Variants in CPSF4 observed in about 807,000 individuals in gnomAD.
CPSF4 encodes the protein cleavage and polyadenylation specific factor 4.
CPSF4 carries 11 observed loss-of-function variants against 37.7 expected under a neutral mutation model. The observed-to-expected ratio is 0.29, with a 90% CI of 0.18 to 0.48. The LOEUF (loss-of-function observed/expected upper bound fraction) is 0.48. Among genes scored for constraint, CPSF4 ranks in the 20% least tolerant of loss-of-function variants. CPSF4 has a pLI of 0.99. For missense variants in CPSF4, 144 were observed against 359.5 expected (o/e 0.40, Z 4.85); for synonymous variants, 132 against 135.9 (o/e 0.97, Z 0.20).
chr7:99,443,737 G>T (rs1179873181), intron 1 of CPSF4, among the ~76,000 whole-genome samples: 1 of 152,050 alleles, frequency 6.6e-6, no homozygotes, highest in African/African-American at 2.4e-5. Context: ...TGGCCAACAT[G>T]GCAAAACCCT....
chr7:99,446,771 CTTTTTTTTT>C (rs762892785), intron 2 of CPSF4, among the ~76,000 whole-genome samples: 2 of 29,134 alleles, frequency 6.9e-5, no homozygotes, highest in African/African-American at 2.3e-4. Flanking sequence ...CCATACCCAG[CTTTTTTTTT>C]TTTTTTTTTT....
chr7:99,450,486 G>C, intron 4 of CPSF4, 115 bp downstream of exon 4: 1 of 793,828 alleles, frequency 1.3e-6, no homozygotes, highest in South Asian at 1.6e-5. Context: ...ACATTCTGCA[G>C]CTAGCGGCTT....
intron 2 of CPSF4, chr7:99,447,901 C>T (rs758579084): frequency 6.7e-6 from 4 of 592,644 alleles, no homozygotes; most frequent in Non-Finnish European, 1.3e-5. Context: ...TGATCCACTG[C>T]GCCCGGCCAT....
intron 1 of CPSF4, among the ~76,000 whole-genome samples, chr7:99,440,632 T>C (rs2404488): frequency 0.085 from 11,651 of 137,368 alleles, 1,106 homozygotes; most frequent in African/African-American, 0.23. Flanking sequence ...ACTGGGATTA[T>C]AGGCATGAGC....
Position 99,456,819 on chromosome 7 carries a change from G to C in CPSF4, c.*319G>C. 4.4e-6 allele frequency: 2 copies of C among 450,072 alleles called. No individual in the cohort carries two copies. Among genetic ancestry groups the C allele is most frequent in the Non-Finnish European group, 4.2e-6 (1 of 240,442 alleles). The allele number at this position is 450,072 out of a possible 1,614,324, so 27.9% of individuals were successfully genotyped here. ...TGCTGGGGAGGGGCTTGGCTAGGTA[G>C]TTCTGTGTGGCGGTGGTCATTCCCC... On this transcript the variant is annotated 3_prime_UTR_variant, in exon 8 of 8. Coordinates refer to ENST00000292476, the MANE Select transcript of CPSF4 (RefSeq NM_006693.4).
At chr7:99,439,882 A>G (rs1371157417) in intron 1 of CPSF4, among the ~76,000 whole-genome samples, 1 of 151,848 alleles carries the variant, frequency 6.6e-6, no homozygotes, top group Non-Finnish European at 1.5e-5. Flanking sequence ...GCCCGTCCCT[A>G]CTTTTTTCTG....
intron 3 of CPSF4, 29 bp from the exon 4 acceptor site, chr7:99,450,247 A>G (rs747996799): frequency 3.2e-6 from 5 of 1,573,776 alleles, no homozygotes; most frequent in Middle Eastern, 1.7e-4. Context: ...CGGCCTTCCC[A>G]GTGGTCTCAC....
intron 1 of CPSF4, among the ~76,000 whole-genome samples, chr7:99,439,960 C>T (rs115790206): frequency 1.3e-5 from 2 of 152,304 alleles, no homozygotes; most frequent in African/African-American, 4.8e-5. Flanking sequence ...ACTCCCTTCA[C>T]TGCTCCCCTT....
At chr7:99,446,797 TTTTTTTTTTTTA>T in intron 2 of CPSF4, among the ~76,000 whole-genome samples, 1 of 128,610 alleles carries the variant, frequency 7.8e-6, no homozygotes, top group African/African-American at 3.2e-5. Context: ...TTTTTTTTTT[TTTTTTTTTTTTA>T]ACGGAGTTTT....
At chr7:99,440,875 C>T (rs564876774) in intron 1 of CPSF4, among the ~76,000 whole-genome samples, 35 of 149,518 alleles carry the variant, frequency 2.3e-4, no homozygotes, top group African/African-American at 8.7e-4. Flanking sequence ...TGCTCAAATT[C>T]ACACACACAC....
chr7:99,439,329 A>G, intron 1 of CPSF4, 144 bp downstream of exon 1: 1 of 572,668 alleles, frequency 1.7e-6, no homozygotes, highest in Non-Finnish European at 3.0e-6. Flanking sequence ...TGGTCGCAGG[A>G]CTCCTCCCTC....
chr7:99,440,909 C>A (rs915956542), intron 1 of CPSF4, among the ~76,000 whole-genome samples: 2 of 149,596 alleles, frequency 1.3e-5, no homozygotes, highest in Non-Finnish European at 3.0e-5. Context: ...TACCCCTCGA[C>A]TCTTGTGATC....
At chr7:99,444,738 A>G (rs1239884328) in intron 1 of CPSF4, 51 bp from the exon 2 acceptor site, 1 of 1,552,790 alleles carries the variant, frequency 6.4e-7, no homozygotes, top group Non-Finnish European at 8.9e-7. Context: ...AGACATTGTC[A>G]ATAGCAAATT....
intron 7 of CPSF4, among the ~76,000 whole-genome samples, chr7:99,455,041 T>G (rs1798209677): frequency 6.6e-6 from 1 of 151,906 alleles, no homozygotes; most frequent in African/African-American, 2.4e-5. Flanking sequence ...GGCAACAGAC[T>G]GAGACTCTTT....
At chr7:99,442,546 C>T (rs373700950) in intron 1 of CPSF4, among the ~76,000 whole-genome samples, 2 of 149,402 alleles carry the variant, frequency 1.3e-5, no homozygotes, top group South Asian at 2.1e-4. Flanking sequence ...GTCCCAGCTA[C>T]TCGGGAGGCT....
intron 7 of CPSF4, among the ~76,000 whole-genome samples, chr7:99,455,321 G>T (rs1798233471): frequency 1.3e-5 from 2 of 152,144 alleles, no homozygotes; most frequent in Non-Finnish European, 2.9e-5. Context: ...AGGGTGTGTG[G>T]TCCCTCCCCC....
At chr7:99,450,192 A>G in intron 3 of CPSF4, 84 bp from the exon 4 acceptor site, 2 of 1,049,390 alleles carry the variant, frequency 1.9e-6, no homozygotes, top group Non-Finnish European at 2.9e-6. Flanking sequence ...AAAACTGGAC[A>G]CCAGAACCTC....
Position 99,440,674 on chromosome 7 carries a change from ATTTTTT to A in CPSF4, c.103+1503_103+1508del, listed in dbSNP as rs1195402168. Among the ~76,000 whole-genome samples, 9 of 88,088 alleles carry A rather than the reference ATTTTTT, an allele frequency of 1.0e-4. 2 individuals carry two copies. The highest frequency in any genetic ancestry group is 7.8e-4 in the African/African-American group (8 of 10,312). 57.8% of individuals were successfully genotyped at this position (88,088 alleles called of 152,430 possible). On this transcript the variant is annotated intron_variant, in intron 1 of 7. Transcript: ENST00000292476. ...ACCTGGCATATATATATATATATAT[ATTTTTT>A]TTTTTTTTTTTTTCCTGCCTGTCCC...
intron 1 of CPSF4, among the ~76,000 whole-genome samples, chr7:99,440,675 T>TATATG (rs1491236759): frequency 1.3e-5 from 1 of 74,878 alleles, no homozygotes; most frequent in African/African-American, 1.1e-4. Context: ...TATATATATA[T>TATATG]TTTTTTTTTT....
Sources: gnomAD v4.1 joint callset for allele counts (sites outside exome capture counted in the v4.1 genomes callset) on GRCh38, gnomAD v4.1.1 for gene constraint, MANE v1.5 for transcripts, NCBI Gene and HGNC (gene_info 2026-07-23, HGNC 2026-07-21) for gene names.